KLHL5: variants seen among roughly 807,000 people sequenced by gnomAD.
KLHL5 encodes kelch-like protein 5.
KLHL5 carries 48 observed loss-of-function variants against 77.7 expected under a neutral mutation model. The ratio of observed to expected loss-of-function variants is 0.62; its 90% CI spans 0.49 to 0.79. The LOEUF is 0.79. Among genes scored for constraint, KLHL5 ranks in the 30% least tolerant of loss-of-function variants. KLHL5 has a pLI of 0.00. For synonymous variants in KLHL5, 260 were observed against 297.0 expected (o/e 0.88, Z 1.28); for missense variants, 723 against 859.7 (o/e 0.84, Z 1.99).
the KLHL5 span, among the ~76,000 whole-genome samples, chr4:39,142,919 A>T: frequency 6.6e-6 from 1 of 152,204 alleles, no homozygotes; most frequent in South Asian, 2.1e-4. Context: ...ATATGGAGAG[A>T]GGATGAATGT....
At chr4:39,070,114 A>T (rs1718334618) in intron 1 of KLHL5, among the ~76,000 whole-genome samples, 1 of 152,036 alleles carries the variant, frequency 6.6e-6, no homozygotes, top group Non-Finnish European at 1.5e-5. Flanking sequence ...CATGAAATTG[A>T]CTCTGATTGG....
intron 5 of KLHL5, among the ~76,000 whole-genome samples, chr4:39,096,078 T>C (rs1721038156): frequency 6.6e-6 from 1 of 151,982 alleles, no homozygotes; most frequent in Non-Finnish European, 1.5e-5. Context: ...TGATCATATT[T>C]TCATTTTATT....
intron 2 of KLHL5, among the ~76,000 whole-genome samples, chr4:39,076,752 T>G (rs1043527626): frequency 2.0e-5 from 3 of 151,844 alleles, no homozygotes; most frequent in Non-Finnish European, 2.9e-5. Context: ...GGTTTTTTTT[T>G]TTTTTTTTGG....
At chr4:39,131,984 C>T in the KLHL5 span, among the ~76,000 whole-genome samples, 1 of 152,098 alleles carries the variant, frequency 6.6e-6, no homozygotes, top group African/African-American at 2.4e-5. Flanking sequence ...GGGCATTTGC[C>T]AAACTCTCAA....
At chr4:39,127,466 G>A (rs972312435), downstream of KLHL5, among the ~76,000 whole-genome samples, 2 of 152,114 alleles carry the variant, frequency 1.3e-5, no homozygotes, top group South Asian at 4.1e-4. Context: ...ATTTTGTTTT[G>A]AGACAGGGTC....
In KLHL5 at chr4:39,081,115, C is replaced by T; in HGVS notation, c.579C>T (p.Ser193=). The T allele has an allele frequency of 6.2e-7, 1 of 1,609,712 alleles. No individual in the cohort carries two copies. Among genetic ancestry groups the T allele is most frequent in the Non-Finnish European group, 8.5e-7 (1 of 1,178,748 alleles). ...RRIPAHRLVL[S]SVSDYFAAMF... is the part of the protein sequence containing the mutation. ...AATGTGTTCACAGATTGGTGCTCTCCTCTGTCTCAGACTATTTTGCTGCCA... is the reference window on the plus strand; with the variant it reads ...AATGTGTTCACAGATTGGTGCTCTCTTCTGTCTCAGACTATTTTGCTGCCA... Residue 193 remains serine (S), a synonymous_variant, in exon 3 of 11, where the codon TCC becomes TCT. Coordinates refer to ENST00000504108, the MANE Select transcript of KLHL5 (RefSeq NM_015990.5). This position sits in a 1 kb window ranked among gnomAD's most constrained non-coding sequence, Gnocchi z 4.3.
At chr4:39,110,555 C>T (rs753296047) in intron 8 of KLHL5, among the ~76,000 whole-genome samples, 6 of 152,096 alleles carry the variant, frequency 3.9e-5, no homozygotes, top group Non-Finnish European at 8.8e-5. Context: ...ACCTCCCTCC[C>T]AGGCTCAAGC....
intron 4 of KLHL5, 94 bp downstream of exon 4, chr4:39,082,253 C>T (rs1008419879): frequency 1.1e-5 from 11 of 995,852 alleles, no homozygotes; most frequent in Non-Finnish European, 1.6e-5. Flanking sequence ...TCCCATGGCT[C>T]TGCCACGTGT....
intron 5 of KLHL5, among the ~76,000 whole-genome samples, chr4:39,090,928 G>A (rs145996994): frequency 0.01 from 1,515 of 150,302 alleles, 25 homozygotes; most frequent in African/African-American, 0.035. Flanking sequence ...TCAGCCTCCT[G>A]AGTAGCTGGA....
the KLHL5 span, among the ~76,000 whole-genome samples, chr4:39,136,922 A>G: frequency 4.6e-5 from 7 of 152,234 alleles, no homozygotes; most frequent in Non-Finnish European, 1.0e-4. Flanking sequence ...AGAGCCAAGC[A>G]GGAAAACATG....
intron 6 of KLHL5, among the ~76,000 whole-genome samples, chr4:39,098,665 A>G (rs1189281192): frequency 2.6e-5 from 4 of 151,124 alleles, no homozygotes; most frequent in Admixed American, 2.0e-4. Context: ...CTGGGTTCAC[A>G]CCATTCTCCT....
chr4:39,107,616 G>A lies in KLHL5; in HGVS notation c.1573G>A (p.Gly525Ser). 10 of 1,612,500 alleles carry A rather than the reference G, an allele frequency of 6.2e-6. No individual in the cohort carries two copies. Among genetic ancestry groups the A allele is most frequent in the Non-Finnish European group, 8.5e-6 (10 of 1,178,866 alleles). The stretch of plus-strand genomic sequence containing the variant: ...CATGTATGCCGTAGGAGGACATGAT[G>A]GCTGGAGCTATCTGAACACAGTGGA... The part of the protein sequence containing the change: ...GPMYAVGGHD[G>S]WSYLNTVERW... The change falls in exon 8 of 11, where the codon GGC becomes AGC. Residue 525 changes from glycine to serine, a missense_variant. Gly to Ser is a moderately conservative substitution (Grantham distance 56). Coordinates refer to ENST00000504108, the MANE Select transcript of KLHL5 (RefSeq NM_015990.5).
At chr4:39,083,597 C>G (rs1225931222) in intron 4 of KLHL5, among the ~76,000 whole-genome samples, 1 of 152,064 alleles carries the variant, frequency 6.6e-6, no homozygotes, top group East Asian at 1.9e-4. Flanking sequence ...GTTTTTTTCC[C>G]TCGGTCTTTA....
At position 39,121,829 on chromosome 4, in the gene KLHL5, C is replaced by A. The variant is rs1432020543; in HGVS notation, c.*763C>A. On this transcript the variant is annotated 3_prime_UTR_variant, in exon 11 of 11. Transcript: ENST00000504108. Reference sequence around the variant, plus strand: ...ATGTAGAGAAAATAAATGTTATATACCCTATAATCTTTCACCTAATTAGTA... The same window carrying A: ...ATGTAGAGAAAATAAATGTTATATAACCTATAATCTTTCACCTAATTAGTA... 1 of 152,386 alleles carries A rather than the reference C, an allele frequency of 6.6e-6. No individual in the cohort carries two copies. Among genetic ancestry groups the A allele is most frequent in the African/African-American group, 2.4e-5 (1 of 41,364 alleles). The allele number at this position is 152,386 out of a possible 1,614,324, so 9.4% of individuals were successfully genotyped here.
chr4:39,064,762 A>G (rs1481141154), intron 1 of KLHL5, among the ~76,000 whole-genome samples: 1 of 152,170 alleles, frequency 6.6e-6, no homozygotes, highest in Non-Finnish European at 1.5e-5. Flanking sequence ...TTATGAAATA[A>G]AAAGATTATC....
chr4:39,084,600 GT>G (rs1301510319), intron 4 of KLHL5, among the ~76,000 whole-genome samples: 1 of 152,084 alleles, frequency 6.6e-6, no homozygotes, highest in Non-Finnish European at 1.5e-5. Context: ...GAAAAACTCA[GT>G]TTTCACTTAA....
intron 8 of KLHL5, among the ~76,000 whole-genome samples, chr4:39,108,734 A>G (rs184226670): frequency 6.6e-6 from 1 of 152,300 alleles, no homozygotes; most frequent in East Asian, 1.9e-4. Flanking sequence ...TCAGCCATTA[A>G]AGAATCTAGT....
the KLHL5 span, among the ~76,000 whole-genome samples, chr4:39,138,610 AG>A: frequency 2.6e-5 from 4 of 152,108 alleles, no homozygotes; most frequent in Non-Finnish European, 5.9e-5. Context: ...TGGAGGGTGG[AG>A]GGTGGGAGGA....
chr4:39,120,980 A>C (rs768394990), intron 10 of KLHL5, 30 bp from the exon 11 acceptor site: 11 of 1,570,278 alleles, frequency 7.0e-6, no homozygotes, highest in Middle Eastern at 3.4e-4. Flanking sequence ...TAACCTACAG[A>C]TCCAATACAT....
Sources: allele counts gnomAD v4.1 joint callset (sites outside exome capture counted in the v4.1 genomes callset), GRCh38; gene constraint gnomAD v4.1.1; non-coding constraint Gnocchi (gnomAD v3.1); transcripts MANE v1.5; gene names NCBI Gene and HGNC (gene_info 2026-07-23, HGNC 2026-07-21).